SGIP1: variants seen among roughly 807,000 people sequenced by gnomAD.
The protein encoded by SGIP1 is SH3-containing GRB2-like protein 3-interacting protein 1.
Under a neutral mutation model 107.5 loss-of-function variants are expected in SGIP1, and 38 were observed. That is an observed-to-expected ratio of 0.35 (90% CI 0.27 to 0.46). The LOEUF is 0.46. Ranked by LOEUF, SGIP1 falls within the 20% of genes least tolerant of loss-of-function variation. SGIP1 has a pLI of 1.00. For missense variants in SGIP1, 929 were observed against 1,019.5 expected (o/e 0.91, Z 1.21); for synonymous variants, 365 against 366.1 (o/e 1.00, Z 0.03).
intron 1 of SGIP1, among the ~76,000 whole-genome samples, chr1:66,618,694 C>T (rs2070095576): frequency 6.6e-6 from 1 of 152,192 alleles, no homozygotes; most frequent in African/African-American, 2.4e-5. Flanking sequence ...CATTAAAGTG[C>T]TTGACACAGT....
intron 4 of SGIP1, among the ~76,000 whole-genome samples, chr1:66,636,603 T>C (rs1489379722): frequency 6.6e-6 from 1 of 152,230 alleles, no homozygotes; most frequent in African/African-American, 2.4e-5. Flanking sequence ...GGCTAGTGGC[T>C]ACCATCTTGG....
At chr1:66,694,652 C>A in intron 17 of SGIP1, 2 of 516,560 alleles carry the variant, frequency 3.9e-6, no homozygotes, top group Non-Finnish European at 6.2e-6. Flanking sequence ...TACTGTTCAT[C>A]ATGGAACTCG....
In SGIP1 at chr1:66,747,559, C is replaced by CA. The variant is rs2094569873; in HGVS notation, c.*4468dup. On this transcript the variant is annotated 3_prime_UTR_variant, in exon 25 of 25. Coordinates refer to ENST00000371037, the MANE Select transcript of SGIP1 (RefSeq NM_032291.4). Reference sequence around the variant, plus strand: ...TTGCAAGCTGTTATTTATTCAAATACAAAATCCTAATCAATGTTTCCTTCT... The same window carrying CA: ...TTGCAAGCTGTTATTTATTCAAATACAAAAATCCTAATCAATGTTTCCTTCT... 6.6e-6 allele frequency: 1 copy of CA among 151,968 alleles called. No homozygotes were observed. Among genetic ancestry groups the CA allele is most frequent in the South Asian group, 2.1e-4 (1 of 4,836 alleles). 9.4% of individuals were successfully genotyped at this position (151,968 alleles called of 1,614,324 possible).
At chr1:66,691,563 G>A (rs1479346802) in intron 17 of SGIP1, among the ~76,000 whole-genome samples, 4 of 152,098 alleles carry the variant, frequency 2.6e-5, no homozygotes, top group African/African-American at 9.7e-5. Context: ...CATCAACTGG[G>A]GCAATTTGGG....
At chr1:66,673,692 G>C (rs1441405185) in intron 12 of SGIP1, among the ~76,000 whole-genome samples, 2 of 152,168 alleles carry the variant, frequency 1.3e-5, no homozygotes, top group African/African-American at 4.8e-5. Flanking sequence ...CATTTGAGGT[G>C]TCAACAGAAT....
At chr1:66,632,095 G>A (rs1209519497) in intron 2 of SGIP1, among the ~76,000 whole-genome samples, 1 of 152,168 alleles carries the variant, frequency 6.6e-6, no homozygotes, top group African/African-American at 2.4e-5. Context: ...TCTTGGAAGA[G>A]AAAAGAAATT....
chr1:66,738,662 G>A (rs553327869), intron 21 of SGIP1, among the ~76,000 whole-genome samples: 2 of 152,194 alleles, frequency 1.3e-5, no homozygotes, highest in African/African-American at 2.4e-5. Context: ...CCCAAAGGAA[G>A]TAAAAACTAG....
At chr1:66,676,274 G>T (rs1382469897) in intron 12 of SGIP1, among the ~76,000 whole-genome samples, 2 of 152,154 alleles carry the variant, frequency 1.3e-5, no homozygotes, top group Non-Finnish European at 2.9e-5. Flanking sequence ...ACAACATAAT[G>T]AATTACAGCA....
intron 19 of SGIP1, 120 bp downstream of exon 19, chr1:66,719,525 A>G (rs2093418664): frequency 1.8e-6 from 1 of 561,448 alleles, no homozygotes; most frequent in Admixed American, 3.3e-5. Flanking sequence ...AGTTAGCAAT[A>G]GTAGATGGCA....
At position 66,750,055 on chromosome 1, in the gene SGIP1, G is replaced by A. The variant is rs1465733057; in HGVS notation, c.*6960G>A. Among the ~76,000 whole-genome samples the A allele has an allele frequency of 6.6e-6, 1 of 151,142 alleles. No individual in the cohort carries two copies. The highest frequency in any genetic ancestry group is 1.5e-5 in the Non-Finnish European group (1 of 67,768). On this transcript the variant is annotated 3_prime_UTR_variant, in exon 25 of 25. Coordinates refer to ENST00000371037, the MANE Select transcript of SGIP1 (RefSeq NM_032291.4). ...TGTGGGGGTGTGTGTGTGTGTGTGT[G>A]TGTGTGTGTGTGTCTCTTTCCTCTC...
chr1:66,595,016 A>C (rs2064346252), intron 1 of SGIP1, among the ~76,000 whole-genome samples: 1 of 152,198 alleles, frequency 6.6e-6, no homozygotes, highest in Non-Finnish European at 1.5e-5. Context: ...GATTGTAATG[A>C]AGGAGTTCCT....
intron 24 of SGIP1, among the ~76,000 whole-genome samples, chr1:66,742,008 C>T (rs1350093599): frequency 6.6e-6 from 1 of 152,204 alleles, no homozygotes; most frequent in East Asian, 1.9e-4. Flanking sequence ...GCTCGTGATC[C>T]GCCTGCCTCG....
intron 1 of SGIP1, among the ~76,000 whole-genome samples, chr1:66,581,218 A>G (rs1177820129): frequency 6.6e-6 from 1 of 152,114 alleles, no homozygotes; most frequent in Non-Finnish European, 1.5e-5. Context: ...TTAAGGCAGC[A>G]TAGTACAGTG....
At chr1:66,650,755 C>A (rs2078596266) in intron 7 of SGIP1, among the ~76,000 whole-genome samples, 1 of 152,138 alleles carries the variant, frequency 6.6e-6, no homozygotes, top group African/African-American at 2.4e-5. Context: ...ATGGTTTAAT[C>A]TTTGATGTGA....
chr1:66,671,205 T>A (rs1352813595), intron 10 of SGIP1, among the ~76,000 whole-genome samples, 186 bp downstream of exon 10: 3 of 152,206 alleles, frequency 2.0e-5, no homozygotes, highest in Non-Finnish European at 2.9e-5. Flanking sequence ...TCTGAGTGAT[T>A]AATGTTTAAG....
chr1:66,609,673 T>C (rs529751620), intron 1 of SGIP1, among the ~76,000 whole-genome samples: 1 of 152,306 alleles, frequency 6.6e-6, no homozygotes, highest in East Asian at 1.9e-4. Context: ...TTTAGATGAC[T>C]AGCAACTCAA....
intron 24 of SGIP1, 111 bp downstream of exon 24, chr1:66,741,547 C>A: frequency 8.8e-7 from 1 of 1,133,870 alleles, no homozygotes; most frequent in Non-Finnish European, 1.2e-6. Flanking sequence ...TTTCCCACTC[C>A]CAACCCCCAT....
intron 12 of SGIP1, among the ~76,000 whole-genome samples, chr1:66,675,420 C>T (rs1372938760): frequency 3.3e-5 from 5 of 152,048 alleles, no homozygotes; most frequent in Non-Finnish European, 7.3e-5. Flanking sequence ...GCCTTTGCAC[C>T]GATCACACTA....
At chr1:66,555,355 C>T (rs57920818) in intron 1 of SGIP1, among the ~76,000 whole-genome samples, 3,635 of 152,182 alleles carry the variant, frequency 0.024, 141 homozygotes, top group African/African-American at 0.083. Flanking sequence ...CCCACATCCA[C>T]CATCTTTATC....
Sources: gnomAD v4.1 joint callset for allele counts (sites outside exome capture counted in the v4.1 genomes callset) on GRCh38, gnomAD v4.1.1 for gene constraint, MANE v1.5 for transcripts, NCBI Gene and HGNC (gene_info 2026-07-23, HGNC 2026-07-21) for gene names.